CFAP36: variants seen among roughly 807,000 people sequenced by gnomAD.
CFAP36 encodes the protein cilia and flagella associated protein 36.
In CFAP36, 37 loss-of-function variants were observed where a neutral mutation model predicts 50.5. That is an observed-to-expected ratio of 0.73 (90% CI 0.56 to 0.96). The LOEUF (loss-of-function observed/expected upper bound fraction) is 0.96, where lower values mean the gene tolerates loss of function less well. CFAP36 is among the 50% of genes least tolerant of loss of function. CFAP36 has a pLI of 0.00. For synonymous variants in CFAP36, 138 were observed against 128.2 expected (o/e 1.08, Z -0.52); for missense variants, 407 against 396.2 (o/e 1.03, Z -0.23).
intron 1 of CFAP36, chr2:55,520,338 AT>A: frequency 7.3e-7 from 1 of 1,368,142 alleles, no homozygotes; most frequent in Non-Finnish European, 9.8e-7. Context: ...GTTCCTTATG[AT>A]CCCTAGCATT....
At chr2:55,540,060 A>G (rs1684593626) in intron 7 of CFAP36, among the ~76,000 whole-genome samples, 1 of 152,158 alleles carries the variant, frequency 6.6e-6, no homozygotes, top group African/African-American at 2.4e-5. Context: ...TGTCTTCTGA[A>G]AATATTTTCT....
At chr2:55,532,351 T>C (rs1172865119) in intron 4 of CFAP36, among the ~76,000 whole-genome samples, 1 of 152,240 alleles carries the variant, frequency 6.6e-6, no homozygotes, top group Non-Finnish European at 1.5e-5. Context: ...AAAGGCTCTC[T>C]GGATTCTTTT....
chr2:55,519,739 A>C lies in CFAP36; in HGVS notation c.-63A>C. ...CTCCCTCTCGGCTCCTTGTGGCCCA[A>C]AGGCCTAACCGGGGTCCGGCGGTCT... On this transcript the variant is annotated 5_prime_UTR_variant, in exon 1 of 10. Coordinates refer to ENST00000349456, the MANE Select transcript of CFAP36 (RefSeq NM_080667.7). 1 of 1,550,342 alleles carries C rather than the reference A, an allele frequency of 6.5e-7. No homozygotes were observed. Among genetic ancestry groups the C allele is most frequent in the Non-Finnish European group, 8.9e-7 (1 of 1,124,002 alleles).
chr2:55,520,316 C>T (rs1684028114), intron 1 of CFAP36: 4 of 1,160,038 alleles, frequency 3.4e-6, no homozygotes. Flanking sequence ...GGAGAAGCGT[C>T]GGTTTACCTG....
chr2:55,544,490 C>T, intron 9 of CFAP36, 121 bp downstream of exon 9: 2 of 879,162 alleles, frequency 2.3e-6, no homozygotes, highest in Non-Finnish European at 3.4e-6. Flanking sequence ...TTAATCACCT[C>T]CTAGTGCAGT....
chr2:55,542,702 A>C (rs974599686), intron 7 of CFAP36, among the ~76,000 whole-genome samples: 2 of 152,210 alleles, frequency 1.3e-5, no homozygotes, highest in African/African-American at 4.8e-5. Flanking sequence ...ATAAATGCTT[A>C]TATGTATGGG....
At chr2:55,529,070 ATGTAGC>A in intron 4 of CFAP36, 78 bp downstream of exon 4, 1 of 941,564 alleles carries the variant, frequency 1.1e-6, no homozygotes, top group Non-Finnish European at 1.6e-6. Context: ...ATGGTCTTAA[ATGTAGC>A]TGTCTCATGT....
chr2:55,539,428 C>T (rs1416583913), intron 7 of CFAP36: 1 of 152,160 alleles, frequency 6.6e-6, no homozygotes, highest in Non-Finnish European at 1.5e-5. Flanking sequence ...TAAGATTTCT[C>T]CATGTCTTGT....
Position 55,545,033 on chromosome 2 carries a change from G to A in CFAP36, c.*25G>A, listed in dbSNP as rs746884779. The A allele has an allele frequency of 3.3e-5, 45 of 1,346,432 alleles. No individual in the cohort carries two copies. The highest frequency in any genetic ancestry group is 4.6e-5 in the Non-Finnish European group (45 of 972,410). The allele number at this position is 1,346,432 out of a possible 1,614,324, so 83.4% of individuals were successfully genotyped here. A position where few individuals can be genotyped will look rare whatever the true frequency, so the allele number is the denominator to read the frequency against. The stretch of plus-strand genomic sequence containing the variant: ...ATAATTAAGAACAATTTAACAAAAT[G>A]GAAGTTCAAATTGTCTTAAAAATAA... On this transcript the variant is annotated 3_prime_UTR_variant, in exon 10 of 10. Coordinates refer to ENST00000349456, the MANE Select transcript of CFAP36 (RefSeq NM_080667.7).
At chr2:55,526,887 G>A (rs1328892152) in intron 3 of CFAP36, among the ~76,000 whole-genome samples, 1 of 152,194 alleles carries the variant, frequency 6.6e-6, no homozygotes, top group Non-Finnish European at 1.5e-5. Context: ...AATTAGCTGG[G>A]CATGGTGACA....
intron 1 of CFAP36, among the ~76,000 whole-genome samples, chr2:55,520,220 G>A (rs1281203091): frequency 6.6e-6 from 1 of 152,156 alleles, no homozygotes; most frequent in Non-Finnish European, 1.5e-5. Context: ...TCGTAAATTC[G>A]GTCTCTCACC....
intron 7 of CFAP36, 132 bp downstream of exon 7, chr2:55,537,717 C>A: frequency 1.6e-6 from 1 of 622,746 alleles, no homozygotes; most frequent in Non-Finnish European, 2.7e-6. Flanking sequence ...TGGTATTTAA[C>A]GTTCTTTGTG....
intron 7 of CFAP36, among the ~76,000 whole-genome samples, chr2:55,541,757 A>C (rs1371194663): frequency 2.6e-5 from 4 of 152,266 alleles, no homozygotes; most frequent in Admixed American, 2.6e-4. Context: ...GAAAGGTGAG[A>C]GAGGGGACAT....
chr2:55,544,819 G>A lies in CFAP36; in HGVS notation c.928-88G>A, dbSNP rs895781526. The A allele has an allele frequency of 3.6e-5, 28 of 786,850 alleles. No homozygotes were observed. In the Admixed American group the frequency reaches 6.7e-4, roughly 19 times the overall value. 48.7% of individuals were successfully genotyped at this position (786,850 alleles called of 1,614,324 possible). A position where few individuals can be genotyped will look rare whatever the true frequency, so the allele number is the denominator to read the frequency against. On this transcript the variant is annotated intron_variant, in intron 9 of 9. Coordinates refer to ENST00000349456, the MANE Select transcript of CFAP36 (RefSeq NM_080667.7). ...CTCCGTCCCACAAGAAGGTGCCCCC[G>A]ATTTTTGTTCATTTGAGGCAGTATG...
intron 8 of CFAP36, 65 bp downstream of exon 8, chr2:55,544,139 G>A (rs767700980): frequency 3.2e-5 from 51 of 1,608,162 alleles, no homozygotes; most frequent in African/African-American, 4.0e-5. Context: ...ATCAAACTTC[G>A]AATTGAATCA....
At chr2:55,542,204 TTTC>T (rs1684655459) in intron 7 of CFAP36, among the ~76,000 whole-genome samples, 1 of 152,250 alleles carries the variant, frequency 6.6e-6, no homozygotes, top group African/African-American at 2.4e-5. Context: ...CTTTGTCTGC[TTTC>T]TTATCTAAGT....
intron 7 of CFAP36, among the ~76,000 whole-genome samples, chr2:55,542,063 G>GAT (rs1204013321): frequency 6.6e-6 from 1 of 152,114 alleles, no homozygotes; most frequent in Non-Finnish European, 1.5e-5. Context: ...TCATTTTAAT[G>GAT]ATATATATGA....
rs750485058 is a variant in CFAP36 at position 55,519,841 on chromosome 2, G to T, written c.40G>T (p.Glu14Ter). ...AGAAGACGAGGTGGAGTGGGTAGTGGAGAGCATCGCGGGGTTCCTGCGAGG... is the reference window on the plus strand; with the variant it reads ...AGAAGACGAGGTGGAGTGGGTAGTGTAGAGCATCGCGGGGTTCCTGCGAGG... The part of the protein sequence containing the change: ...EEEDEVEWVV[E>*]SIAGFLRGPD... The change falls in exon 1 of 10, where the codon GAG becomes TAG. Residue 14 changes from glutamate (E) to a stop codon, truncating the protein, a stop_gained. Transcript: ENST00000349456. LOFTEE classifies it high-confidence loss of function. 1 of 1,614,244 alleles carries T rather than the reference G, an allele frequency of 6.2e-7. No homozygotes were observed. The highest frequency in any genetic ancestry group is 1.1e-5 in the South Asian group (1 of 91,092).
intron 7 of CFAP36, among the ~76,000 whole-genome samples, chr2:55,540,652 T>C (rs1257985906): frequency 1.3e-5 from 2 of 152,218 alleles, no homozygotes; most frequent in Non-Finnish European, 2.9e-5. Flanking sequence ...TTGATTGATA[T>C]TGTATTGAAT....
Sources: allele counts gnomAD v4.1 joint callset (sites outside exome capture counted in the v4.1 genomes callset), GRCh38; gene constraint gnomAD v4.1.1; transcripts MANE v1.5; gene names NCBI Gene and HGNC (gene_info 2026-07-23, HGNC 2026-07-21).